Variants in ZBTB20 observed in about 807,000 individuals in gnomAD.
ZBTB20 encodes zinc finger and BTB domain containing 20.
Under a neutral mutation model 56.9 loss-of-function variants are expected in ZBTB20, and 9 were observed. That is an observed-to-expected ratio of 0.16 (90% CI 0.10 to 0.28). The LOEUF (loss-of-function observed/expected upper bound fraction) is 0.28. Among genes scored for constraint, ZBTB20 ranks in the 10% least tolerant of loss-of-function variants. The probability of loss-of-function intolerance (pLI) is 1.00; values close to 1 mark genes in which losing one functional copy is unlikely to be tolerated. For missense variants in ZBTB20, 655 were observed against 1,003.0 expected (o/e 0.65, Z 4.69); for synonymous variants, 417 against 420.7 (o/e 0.99, Z 0.11).
chr3:114,371,471 C>A (rs1560152862), intron 10 of ZBTB20, among the ~76,000 whole-genome samples: 2 of 152,120 alleles, frequency 1.3e-5, no homozygotes, highest in South Asian at 4.1e-4. Flanking sequence ...ATATCTTTAA[C>A]CACGCTGCAT....
chr3:115,083,425 CAAAA>C (rs1308021855), intron 1 of ZBTB20, among the ~76,000 whole-genome samples: 2 of 151,612 alleles, frequency 1.3e-5, no homozygotes, highest in Admixed American at 1.3e-4. Context: ...AAGAAAATAC[CAAAA>C]AAGTCTGTAT....
At chr3:114,494,057 AT>A (rs2043025276) in intron 7 of ZBTB20, among the ~76,000 whole-genome samples, 2 of 152,222 alleles carry the variant, frequency 1.3e-5, no homozygotes, top group African/African-American at 4.8e-5. Flanking sequence ...GATCTGCACA[AT>A]TAGGATTATA....
intron 7 of ZBTB20, among the ~76,000 whole-genome samples, chr3:114,480,269 G>A (rs1187727262): frequency 6.6e-6 from 1 of 152,100 alleles, no homozygotes; most frequent in African/African-American, 2.4e-5. Flanking sequence ...CCAGCAAGGA[G>A]AAAGTGTTTT....
At chr3:115,143,277 A>C (rs2084869689) in intron 1 of ZBTB20, among the ~76,000 whole-genome samples, 1 of 152,240 alleles carries the variant, frequency 6.6e-6, no homozygotes, top group Non-Finnish European at 1.5e-5. Flanking sequence ...TGCTTTTGAA[A>C]AAATGGTTTA....
At position 114,332,987 on chromosome 3, in the gene ZBTB20, A is replaced by G. The variant is rs2079316104; in HGVS notation, c.*6018T>C. 1 of 152,222 alleles carries G rather than the reference A, an allele frequency of 6.6e-6. No homozygotes were observed. Among genetic ancestry groups the G allele is most frequent in the South Asian group, 2.1e-4 (1 of 4,828 alleles). 9.4% of individuals were successfully genotyped at this position (152,222 alleles called of 1,614,324 possible). ...TAATTTTCTATCTCTTCACTCTAAA[A>G]AGGATGGAAACAAGCCCTACTGTTC... On this transcript the variant is annotated 3_prime_UTR_variant, in exon 12 of 12. Coordinates refer to ENST00000675478, the MANE Select transcript of ZBTB20 (RefSeq NM_001348800.3).
intron 2 of ZBTB20, among the ~76,000 whole-genome samples, chr3:115,016,768 T>C (rs966647061): frequency 1.3e-5 from 2 of 151,840 alleles, no homozygotes; most frequent in Non-Finnish European, 2.9e-5. Flanking sequence ...TTGTTATTTT[T>C]GCTTAGGATT....
intron 2 of ZBTB20, 147 bp from the exon 3 acceptor site, chr3:114,974,563 A>G (rs2078020501): frequency 6.6e-6 from 1 of 152,184 alleles, no homozygotes. Flanking sequence ...TAACACATTC[A>G]TATGTGTACA....
chr3:114,807,435 C>G (rs915520278), intron 4 of ZBTB20, among the ~76,000 whole-genome samples: 1 of 151,912 alleles, frequency 6.6e-6, no homozygotes, highest in Non-Finnish European at 1.5e-5. Context: ...CCCTCCCCCT[C>G]CCCTGCAGCT....
In ZBTB20 at chr3:114,634,146, T is replaced by C. The variant is rs1394712299; in HGVS notation, c.-295+59382A>G. Among the ~76,000 whole-genome samples the C allele has an allele frequency of 2.0e-5, 3 of 151,766 alleles. No individual in the cohort carries two copies. The East Asian group carries it at 5.8e-4, about 29-fold the overall frequency. On this transcript the variant is annotated intron_variant, in intron 6 of 11. Transcript: ENST00000675478. The stretch of plus-strand genomic sequence containing the variant: ...CATGTTAAATCCTGTTGCCTCATTT[T>C]GCAGATGATACAACTGAGGCCCAGA...
At position 114,696,714 on chromosome 3, in the gene ZBTB20, T is replaced by C. The variant is rs1383657655; in HGVS notation, c.-342-3139A>G. Among the ~76,000 whole-genome samples, 4 of 151,990 alleles carry C rather than the reference T, an allele frequency of 2.6e-5. No homozygotes were observed. In the East Asian group the frequency reaches 7.7e-4, roughly 29 times the overall value. ...CTTATAAATTGCATACAAATCTCAC[T>C]GTGCTCCCACTTAAGGTGGAAAGGG... On this transcript the variant is annotated intron_variant, in intron 5 of 11. Coordinates refer to ENST00000675478, the MANE Select transcript of ZBTB20 (RefSeq NM_001348800.3).
chr3:114,644,214 T>C (rs1001388765), intron 6 of ZBTB20, among the ~76,000 whole-genome samples: 5 of 151,946 alleles, frequency 3.3e-5, no homozygotes, highest in Non-Finnish European at 7.4e-5. Context: ...CTCAATACCA[T>C]TGAAAGCACA....
intron 4 of ZBTB20, among the ~76,000 whole-genome samples, chr3:114,872,375 T>A (rs1395979800): frequency 1.3e-5 from 2 of 152,130 alleles, no homozygotes; most frequent in Non-Finnish European, 2.9e-5. Context: ...TGAATTATAG[T>A]TGCACACATT....
intron 6 of ZBTB20, among the ~76,000 whole-genome samples, chr3:114,642,771 G>A (rs1362200771): frequency 1.3e-5 from 2 of 152,008 alleles, no homozygotes; most frequent in Non-Finnish European, 2.9e-5. Flanking sequence ...AACCTTCCAG[G>A]TTTAAAATTC....
intron 7 of ZBTB20, among the ~76,000 whole-genome samples, chr3:114,410,969 ACAT>A (rs2087889959): frequency 6.6e-6 from 1 of 152,140 alleles, no homozygotes; most frequent in Admixed American, 6.6e-5. Flanking sequence ...ATCCAGGGAC[ACAT>A]CGAGTTAGTG....
chr3:114,725,946 T>C (rs1361760263), intron 5 of ZBTB20, among the ~76,000 whole-genome samples: 1 of 152,254 alleles, frequency 6.6e-6, no homozygotes, highest in Non-Finnish European at 1.5e-5. Context: ...TCAGGCACAG[T>C]AACTCACTGA....
At chr3:114,934,882 A>G (rs2076479627) in intron 3 of ZBTB20, among the ~76,000 whole-genome samples, 1 of 152,232 alleles carries the variant, frequency 6.6e-6, no homozygotes, top group African/African-American at 2.4e-5. Flanking sequence ...CAGTTTTAAA[A>G]AGATTTTCAT....
intron 6 of ZBTB20, among the ~76,000 whole-genome samples, chr3:114,601,234 G>C (rs2056738383): frequency 6.6e-6 from 1 of 152,038 alleles, no homozygotes; most frequent in Non-Finnish European, 1.5e-5. Flanking sequence ...GATATAGCTT[G>C]AACACATCAG....
intron 6 of ZBTB20, among the ~76,000 whole-genome samples, chr3:114,667,702 A>G (rs1406219632): frequency 1.3e-5 from 2 of 152,060 alleles, no homozygotes; most frequent in African/African-American, 4.8e-5. Context: ...TCTTTCAACA[A>G]CTATATTCCA....
intron 7 of ZBTB20, among the ~76,000 whole-genome samples, chr3:114,410,526 C>A (rs897994876): frequency 4.6e-5 from 7 of 152,120 alleles, no homozygotes; most frequent in Non-Finnish European, 1.0e-4. Flanking sequence ...AGAACAAAAA[C>A]AAACAGGAAG....
Sources: gnomAD v4.1 joint callset for allele counts (sites outside exome capture counted in the v4.1 genomes callset) on GRCh38, gnomAD v4.1.1 for gene constraint, MANE v1.5 for transcripts, NCBI Gene and HGNC (gene_info 2026-07-23, HGNC 2026-07-21) for gene names.